ANAPC1: variants seen among roughly 807,000 people sequenced by gnomAD.
ANAPC1 encodes the protein anaphase-promoting complex subunit 1.
In ANAPC1, 36 loss-of-function variants were observed where a neutral mutation model predicts 208.0. That is an observed-to-expected ratio of 0.17 (90% confidence interval 0.13 to 0.23). ANAPC1 has a LOEUF of 0.23. ANAPC1 is among the 10% of genes least tolerant of loss of function. The pLI, the probability that ANAPC1 is intolerant of heterozygous loss-of-function variation, is 1.00. For synonymous variants in ANAPC1, 378 were observed against 695.2 expected, an observed-to-expected ratio of 0.54 and a Z score of 7.18; for missense variants, 942 against 2,011.6, an observed-to-expected ratio of 0.47 and a Z score of 10.17.
chr2:111,877,817 A>G (rs1683098042), intron 3 of ANAPC1, among the ~76,000 whole-genome samples: 2 of 152,090 alleles, frequency 1.3e-5, no homozygotes, highest in Non-Finnish European at 2.9e-5. Context: ...AATAATAATA[A>G]TAATAAAGCT....
At chr2:111,839,942 C>A (rs912243897) in intron 17 of ANAPC1, among the ~76,000 whole-genome samples, 11 of 152,070 alleles carry the variant, frequency 7.2e-5, no homozygotes, top group Non-Finnish European at 4.4e-5. Context: ...GACCCTTACC[C>A]TTCATCTATC....
At position 111,825,065 on chromosome 2, in the gene ANAPC1, A is replaced by C. The variant is rs148737841; in HGVS notation, c.2742-29T>G. ...TAAGAGAATAAAACATAAAGTTATTAAGCAGAACAGTAAATAATATTGTTT... is the reference window on the plus strand; with the variant it reads ...TAAGAGAATAAAACATAAAGTTATTCAGCAGAACAGTAAATAATATTGTTT... On this transcript the variant is annotated intron_variant, in intron 23 of 47. Transcript: ENST00000341068. 11 of 1,613,910 alleles carry C rather than the reference A, an allele frequency of 6.8e-6. No individual in the cohort carries two copies. In the African/African-American group the frequency reaches 8.0e-5, roughly 12 times the overall value.
At chr2:111,852,298 T>C (rs1558721721) in intron 13 of ANAPC1, among the ~76,000 whole-genome samples, 1 of 149,172 alleles carries the variant, frequency 6.7e-6, no homozygotes, top group African/African-American at 2.5e-5. Flanking sequence ...GTTTCTGGTT[T>C]GATTCCTTAC....
In ANAPC1 at chr2:111,827,748, C is replaced by T. The variant is rs556421550; in HGVS notation, c.2626-1893G>A. Among the ~76,000 whole-genome samples, 25 of 151,684 alleles carry T rather than the reference C, an allele frequency of 1.6e-4. No homozygotes were observed. In the South Asian group the frequency reaches 5.2e-3, roughly 32 times the overall value. ...TCCAGCCTGGGTGACAGAGTAAGAC[C>T]TTGTCTCAAATAAAAAAAATAAAAA... On this transcript the variant is annotated intron_variant, in intron 21 of 47. Transcript: ENST00000341068.
Position 111,848,894 on chromosome 2 carries a change from T to C in ANAPC1, c.1651-1029A>G, listed in dbSNP as rs1460079668. Reference sequence around the variant, plus strand: ...GACCAGTATTTAATGGTATTTCCCCTATAGGCAATTATTTATTCAAAAATA... The same window carrying C: ...GACCAGTATTTAATGGTATTTCCCCCATAGGCAATTATTTATTCAAAAATA... On this transcript the variant is annotated intron_variant, in intron 14 of 47. Coordinates refer to ENST00000341068, the MANE Select transcript of ANAPC1 (RefSeq NM_022662.4). 2.0e-5 allele frequency among the ~76,000 whole-genome samples: 3 copies of C among 152,136 alleles called. No individual in the cohort carries two copies. In the South Asian group the frequency reaches 6.2e-4, roughly 32 times the overall value.
intron 47 of ANAPC1, among the ~76,000 whole-genome samples, chr2:111,770,198 A>ATT (rs1279986844): frequency 2.3e-4 from 4 of 17,404 alleles, no homozygotes; most frequent in African/African-American, 4.5e-4. Flanking sequence ...ATATTGTTTA[A>ATT]TTTTATATAT....
At chr2:111,836,729 G>A (rs1680489909) in intron 18 of ANAPC1, among the ~76,000 whole-genome samples, 1 of 151,982 alleles carries the variant, frequency 6.6e-6, no homozygotes, top group South Asian at 2.1e-4. Flanking sequence ...AGCACTTTGG[G>A]AGGCCAACAT....
At chr2:111,823,347 T>C (rs945038604) in intron 24 of ANAPC1, among the ~76,000 whole-genome samples, 1 of 152,072 alleles carries the variant, frequency 6.6e-6, no homozygotes, top group Non-Finnish European at 1.5e-5. Flanking sequence ...CCATAGCCAA[T>C]GGTAGTGTAA....
chr2:111,798,777 G>A (rs1366219385), intron 34 of ANAPC1, among the ~76,000 whole-genome samples: 1 of 152,264 alleles, frequency 6.6e-6, no homozygotes, highest in East Asian at 1.9e-4. Context: ...GCTCACGCCT[G>A]TAATCCCAGC....
chr2:111,864,377 T>A (rs868520975), intron 8 of ANAPC1, among the ~76,000 whole-genome samples: 34 of 79,390 alleles, frequency 4.3e-4, no homozygotes, highest in Middle Eastern at 0.015. Context: ...ATGATGATAA[T>A]AAAACTATTC....
At chr2:111,862,717 G>T (rs938364664) in intron 9 of ANAPC1, 119 bp from the exon 10 acceptor site, 3 of 1,366,646 alleles carry the variant, frequency 2.2e-6, no homozygotes, top group Admixed American at 3.1e-5. Context: ...GCATAATCCA[G>T]GTCAGAAATT....
intron 3 of ANAPC1, among the ~76,000 whole-genome samples, chr2:111,877,515 G>T (rs10169619): frequency 6.6e-6 from 1 of 152,160 alleles, no homozygotes; most frequent in African/African-American, 2.4e-5. Flanking sequence ...GATGGCTCAC[G>T]CCTGTAATCC....
chr2:111,769,832 C>G (rs943234617), intron 47 of ANAPC1, among the ~76,000 whole-genome samples: 1 of 148,428 alleles, frequency 6.7e-6, no homozygotes, highest in African/African-American at 2.5e-5. Flanking sequence ...AGGTGCCCAC[C>G]ACCACGCCCA....
chr2:111,833,943 C>T (rs1436376171), intron 19 of ANAPC1, among the ~76,000 whole-genome samples: 1 of 152,144 alleles, frequency 6.6e-6, no homozygotes, highest in African/African-American at 2.4e-5. Flanking sequence ...TTCTTTATCA[C>T]CAAAGGTCAT....
chr2:111,883,907 A>G (rs1017550830), intron 1 of ANAPC1, 35 bp downstream of exon 1: 1 of 152,264 alleles, frequency 6.6e-6, no homozygotes, highest in Non-Finnish European at 1.5e-5. Context: ...GCGGCGCGCG[A>G]CAGACCACCA....
chr2:111,789,062 C>T (rs1419443615), intron 38 of ANAPC1, among the ~76,000 whole-genome samples: 1 of 152,152 alleles, frequency 6.6e-6, no homozygotes, highest in Admixed American at 6.6e-5. Context: ...GGCGTGAACC[C>T]GGGAGGCGGA....
In ANAPC1 at chr2:111,874,992, A is replaced by C. The variant is rs138639819; in HGVS notation, c.376-1328T>G. On this transcript the variant is annotated intron_variant, in intron 3 of 47. Coordinates refer to ENST00000341068, the MANE Select transcript of ANAPC1 (RefSeq NM_022662.4). ...CACCACCATGCCTGGCTACACGTGT[A>C]ACTTTTTGAGAAATCGCCAAACTTT... is the stretch of plus-strand genomic sequence containing the variant. 6.6e-5 allele frequency among the ~76,000 whole-genome samples: 10 copies of C among 152,298 alleles called. No individual in the cohort carries two copies. The East Asian group carries it at 1.9e-3, about 29-fold the overall frequency.
rs1558704441 is a variant in ANAPC1, at chr2:111,834,841, T to G, written c.2147A>C (p.His716Pro). 3 of 1,603,784 alleles carry G rather than the reference T, an allele frequency of 1.9e-6. No homozygotes were observed. Among genetic ancestry groups the G allele is most frequent in the Non-Finnish European group, 2.6e-6 (3 of 1,176,374 alleles). Residue 716 changes from histidine (H) to proline (P), a missense_variant, in exon 19 of 48, where the codon CAC becomes CCC. Physicochemically the swap from His to Pro is moderately conservative, Grantham distance 77. Transcript: ENST00000341068. Reference sequence around the variant, plus strand: ...CAAAAGATGAGACTCAACATTCTGGTGGTAGTCTGAATTTAGTAAATATTC... The same window carrying G: ...CAAAAGATGAGACTCAACATTCTGGGGGTAGTCTGAATTTAGTAAATATTC... Reference protein sequence around the residue: ...DWEYLLNSDYHQNVESHLLNR... With the variant: ...DWEYLLNSDYPQNVESHLLNR...
intron 6 of ANAPC1, among the ~76,000 whole-genome samples, chr2:111,869,257 T>A (rs979857116): frequency 8.5e-5 from 13 of 152,088 alleles, no homozygotes; most frequent in Non-Finnish European, 1.2e-4. Flanking sequence ...TTATTTATTT[T>A]TTTTTTGACA....
Sources: allele counts gnomAD v4.1 joint callset (sites outside exome capture counted in the v4.1 genomes callset), GRCh38; gene constraint gnomAD v4.1.1; transcripts MANE v1.5; gene names NCBI Gene and HGNC (gene_info 2026-07-23, HGNC 2026-07-21).